PTBP3: variants seen among roughly 807,000 people sequenced by gnomAD.
The protein encoded by PTBP3 is polypyrimidine tract-binding protein 3.
In PTBP3, 20 loss-of-function variants were observed where a neutral mutation model predicts 58.7. That is an observed-to-expected ratio of 0.34 (90% CI 0.24 to 0.50). The LOEUF (loss-of-function observed/expected upper bound fraction) is 0.50, where lower values mean the gene tolerates loss of function less well. Ranked by LOEUF, PTBP3 falls within the 20% of genes least tolerant of loss-of-function variation. PTBP3 has a pLI of 0.98. For missense variants in PTBP3, 509 were observed against 637.2 expected (o/e 0.80, Z 2.17); for synonymous variants, 185 against 219.8 (o/e 0.84, Z 1.40).
chr9:112,315,569 C>A (rs1829668983), intron 1 of PTBP3, among the ~76,000 whole-genome samples: 1 of 151,934 alleles, frequency 6.6e-6, no homozygotes, highest in East Asian at 1.9e-4. Context: ...GTACTTCAGC[C>A]TGGGTGACAA....
At chr9:112,300,524 G>A (rs1028296963) in intron 1 of PTBP3, among the ~76,000 whole-genome samples, 2 of 152,114 alleles carry the variant, frequency 1.3e-5, no homozygotes, top group South Asian at 2.1e-4. Context: ...AGGGCTTGGC[G>A]GGCGGATCAC....
At chr9:112,354,073 TTACAAC>T in the PTBP3 span, among the ~76,000 whole-genome samples, 3 of 152,180 alleles carry the variant, frequency 2.0e-5, no homozygotes, top group African/African-American at 7.2e-5. Context: ...ACATTTTATT[TTACAAC>T]TACAACAAAG....
At chr9:112,320,104 G>A (rs913836557) in intron 1 of PTBP3, among the ~76,000 whole-genome samples, 19 of 151,538 alleles carry the variant, frequency 1.3e-4, no homozygotes, top group Admixed American at 9.2e-4. Flanking sequence ...TTAACATGGT[G>A]ACTATATACT....
chr9:112,230,658 G>C (rs947557122), intron 10 of PTBP3, among the ~76,000 whole-genome samples: 13 of 152,142 alleles, frequency 8.5e-5, no homozygotes, highest in Admixed American at 3.3e-4. Flanking sequence ...TTGGATTACT[G>C]AATCAAAATG....
intron 1 of PTBP3, among the ~76,000 whole-genome samples, chr9:112,303,000 A>G (rs1829018710): frequency 6.6e-6 from 1 of 152,022 alleles, no homozygotes; most frequent in African/African-American, 2.4e-5. Flanking sequence ...ACTGTTACCT[A>G]CTTTCCTACC....
At chr9:112,290,738 A>AC (rs1564438731) in intron 2 of PTBP3, among the ~76,000 whole-genome samples, 19 of 148,586 alleles carry the variant, frequency 1.3e-4, no homozygotes, top group South Asian at 6.4e-4. Context: ...ACACACACAC[A>AC]ATCAAGTGTT....
At chr9:112,306,606 T>A (rs71495149) in intron 1 of PTBP3, among the ~76,000 whole-genome samples, 7,057 of 144,386 alleles carry the variant, frequency 0.049, 197 homozygotes, top group African/African-American at 0.056. Flanking sequence ...ATATATATAT[T>A]TTTGTTTGTT....
At chr9:112,320,597 G>A (rs752881394) in intron 1 of PTBP3, among the ~76,000 whole-genome samples, 5 of 149,864 alleles carry the variant, frequency 3.3e-5, no homozygotes, top group Non-Finnish European at 5.9e-5. Flanking sequence ...ATCTAGAATA[G>A]CCAAAGCAAT....
chr9:112,311,425 A>G (rs1829467871), intron 1 of PTBP3, among the ~76,000 whole-genome samples: 1 of 152,182 alleles, frequency 6.6e-6, no homozygotes, highest in Admixed American at 6.5e-5. Flanking sequence ...GAAGGAACTG[A>G]GTTAAGTTAT....
At chr9:112,337,174 C>T (rs908960798), upstream of PTBP3, among the ~76,000 whole-genome samples, 4 of 152,152 alleles carry the variant, frequency 2.6e-5, no homozygotes, top group South Asian at 2.1e-4. Flanking sequence ...GGATTAGAAG[C>T]GTGCACCACC....
At chr9:112,299,496 TAAGAAA>T (rs1255384851) in intron 1 of PTBP3, among the ~76,000 whole-genome samples, 2 of 152,008 alleles carry the variant, frequency 1.3e-5, no homozygotes, top group East Asian at 3.8e-4. Flanking sequence ...CAGCACGTAC[TAAGAAA>T]AAGAAAAAAG....
At chr9:112,340,738 G>A in the PTBP3 span, among the ~76,000 whole-genome samples, 1 of 152,064 alleles carries the variant, frequency 6.6e-6, no homozygotes, top group African/African-American at 2.4e-5. Context: ...AATTAGCCGG[G>A]CGTAGTGGTG....
At chr9:112,282,177 C>A (rs1194690258) in intron 2 of PTBP3, among the ~76,000 whole-genome samples, 1 of 152,162 alleles carries the variant, frequency 6.6e-6, no homozygotes, top group Non-Finnish European at 1.5e-5. Flanking sequence ...TTCAACATAC[C>A]AATTCTGGGA....
chr9:112,292,103 CAAAAAATAGGTA>C (rs1828459802), intron 2 of PTBP3, among the ~76,000 whole-genome samples: 1 of 151,858 alleles, frequency 6.6e-6, no homozygotes, highest in Non-Finnish European at 1.5e-5. Context: ...TAAAACAAAA[CAAAAAATAGGTA>C]AAGGACTTGA....
At position 112,321,907 on chromosome 9, in the gene PTBP3, G is replaced by A. The variant is rs61423966; in HGVS notation, c.-52+11563C>T. On this transcript the variant is annotated intron_variant, in intron 1 of 13. Coordinates refer to ENST00000374257, the MANE Select transcript of PTBP3 (RefSeq NM_001163788.4). Reference sequence around the variant, plus strand: ...TCCCAGCACTTTGGGAGGCCAAGGCGGGCGGATCACAAGGCCAGGAGATCA... The same window carrying A: ...TCCCAGCACTTTGGGAGGCCAAGGCAGGCGGATCACAAGGCCAGGAGATCA... Among the ~76,000 whole-genome samples, 1,245 of 152,180 alleles carry A rather than the reference G, an allele frequency of 8.2e-3. 21 individuals carry two copies. Among genetic ancestry groups the A allele is most frequent in the African/African-American group, 0.028 (1,160 of 41,502 alleles).
At chr9:112,346,963 A>G in the PTBP3 span, among the ~76,000 whole-genome samples, 1 of 152,176 alleles carries the variant, frequency 6.6e-6, no homozygotes, top group Admixed American at 6.5e-5. Context: ...ACCTCAGGTG[A>G]TCTGCTCACC....
chr9:112,263,683 T>C (rs1309378600), intron 4 of PTBP3, among the ~76,000 whole-genome samples: 1 of 152,218 alleles, frequency 6.6e-6, no homozygotes, highest in African/African-American at 2.4e-5. Context: ...CAAATATTAT[T>C]GGGTCCATTA....
chr9:112,316,339 A>T (rs28576268), intron 1 of PTBP3, among the ~76,000 whole-genome samples: 1 of 152,096 alleles, frequency 6.6e-6, no homozygotes, highest in African/African-American at 2.4e-5. Context: ...ATACTCTCTC[A>T]CTCTCTTTTT....
At chr9:112,285,660 CTG>C (rs1450471024) in intron 2 of PTBP3, among the ~76,000 whole-genome samples, 5 of 152,180 alleles carry the variant, frequency 3.3e-5, no homozygotes, top group Non-Finnish European at 5.9e-5. Context: ...AATAATATAA[CTG>C]TGTTCAAATA....
Sources: gnomAD v4.1 joint callset for allele counts (sites outside exome capture counted in the v4.1 genomes callset) on GRCh38, gnomAD v4.1.1 for gene constraint, MANE v1.5 for transcripts, NCBI Gene and HGNC (gene_info 2026-07-23, HGNC 2026-07-21) for gene names.